Variants in DNAH6 observed in about 807,000 individuals in gnomAD.
DNAH6 encodes axonemal beta dynein heavy chain 6.
Under a neutral mutation model 491.4 loss-of-function variants are expected in DNAH6, and 340 were observed. The observed-to-expected ratio is 0.69, with a 90% CI of 0.63 to 0.76. The LOEUF (loss-of-function observed/expected upper bound fraction) is 0.76. Among genes scored for constraint, DNAH6 ranks in the 30% least tolerant of loss-of-function variants. The pLI, the probability that DNAH6 is intolerant of heterozygous loss-of-function variation, is 0.00. For synonymous variants in DNAH6, 1,603 were observed against 1,686.1 expected (o/e 0.95, Z 1.21); for missense variants, 4,443 against 4,972.2 (o/e 0.89, Z 3.20).
rs1216035107 is a variant in DNAH6 at position 84,621,335 on chromosome 2, G to T, written c.3937G>T (p.Val1313Phe). The change falls in exon 25 of 77, where the codon GTT (valine) becomes TTT (phenylalanine). Residue 1313 changes from valine to phenylalanine, a missense_variant. Physicochemically the swap from Val to Phe is conservative, Grantham distance 50. This residue lies in a region of DNAH6 where 2,977 missense variants were observed against 3,296.6 expected (regional missense o/e 0.90). Coordinates refer to ENST00000389394, the MANE Select transcript of DNAH6 (RefSeq NM_001370.2). ...YQGKLRTDWV[V>F]AGHPSQVILT... ...GGGGAAACTGAGGACAGACTGGGTGGTTGCTGGCCACCCTTCTCAAGTAAC... is the reference window on the plus strand; with the variant it reads ...GGGGAAACTGAGGACAGACTGGGTGTTTGCTGGCCACCCTTCTCAAGTAAC... 1.3e-6 allele frequency: 2 copies of T among 1,551,530 alleles called. No individual in the cohort carries two copies. The highest frequency in any genetic ancestry group is 1.4e-5 in the African/African-American group (1 of 73,168).
At chr2:84,504,753 A>G in the DNAH6 span, among the ~76,000 whole-genome samples, 2 of 152,192 alleles carry the variant, frequency 1.3e-5, no homozygotes, top group Non-Finnish European at 2.9e-5. Flanking sequence ...CACTGTTTTG[A>G]TAATTGTAGC....
At chr2:84,633,900 C>G (rs1395103951) in intron 29 of DNAH6, among the ~76,000 whole-genome samples, 1 of 152,066 alleles carries the variant, frequency 6.6e-6, no homozygotes, top group Non-Finnish European at 1.5e-5. Context: ...ACCACTAGTT[C>G]TATTACTAAA....
chr2:84,761,789 T>TACACACACACAC lies in DNAH6; in HGVS notation c.10513-944_10513-933dup, dbSNP rs35707461. On this transcript the variant is annotated intron_variant, in intron 63 of 76. Transcript: ENST00000389394. ...ACAGCATTACATACACACACACACATACACACACACACACACACACACACA... is the reference window on the plus strand; with the variant it reads ...ACAGCATTACATACACACACACACATACACACACACACACACACACACACACACACACACACA... Among the ~76,000 whole-genome samples, 495 of 141,870 alleles carry TACACACACACAC rather than the reference T, an allele frequency of 3.5e-3. 5 individuals are homozygous for TACACACACACAC. The highest frequency in any genetic ancestry group is 0.011 in the African/African-American group (430 of 38,314). The allele number at this position is 141,870 out of a possible 152,430, so 93.1% of individuals were successfully genotyped here.
At position 84,669,417 on chromosome 2, in the gene DNAH6, C is replaced by T; in HGVS notation, c.6213C>T (p.Pro2071=). ...RDVPFFEMLV[P]TTDTVRYGYL... is the part of the protein sequence containing the mutation. ...TTCCATTTTTTGAAATGCTTGTCCC[C>T]ACAACTGACACAGTGCGCTATGGGT... is the stretch of plus-strand genomic sequence containing the variant. The change falls in exon 38 of 77, where the codon CCC becomes CCT. Residue 2071 remains proline (P), a synonymous_variant. Coordinates refer to ENST00000389394, the MANE Select transcript of DNAH6 (RefSeq NM_001370.2). 1.9e-6 allele frequency: 3 copies of T among 1,552,012 alleles called. No individual in the cohort carries two copies. The highest frequency in any genetic ancestry group is 2.6e-6 in the Non-Finnish European group (3 of 1,147,058).
At chr2:84,507,997 A>G in the DNAH6 span, among the ~76,000 whole-genome samples, 1 of 152,182 alleles carries the variant, frequency 6.6e-6, no homozygotes, top group Non-Finnish European at 1.5e-5. Flanking sequence ...TTTTGCATCG[A>G]TGTTCATCAG....
intron 37 of DNAH6, among the ~76,000 whole-genome samples, chr2:84,667,740 G>A (rs1209056599): frequency 1.3e-5 from 2 of 152,170 alleles, no homozygotes; most frequent in Non-Finnish European, 2.9e-5. Flanking sequence ...CCATTACTGG[G>A]TATATACCCA....
intron 76 of DNAH6, among the ~76,000 whole-genome samples, chr2:84,817,502 AT>A (rs1277238244): frequency 3.3e-5 from 5 of 152,030 alleles, no homozygotes; most frequent in African/African-American, 1.2e-4. Context: ...GTGTGGTATC[AT>A]GTGTCTGTAG....
At chr2:84,644,644 A>G (rs1457614101) in intron 33 of DNAH6, among the ~76,000 whole-genome samples, 1 of 151,926 alleles carries the variant, frequency 6.6e-6, no homozygotes. Flanking sequence ...CCATGTGTCC[A>G]TGTGCTCTCA....
At chr2:84,658,180 T>G (rs993489195) in intron 35 of DNAH6, 112 bp from the exon 36 acceptor site, 10 of 652,804 alleles carry the variant, frequency 1.5e-5, no homozygotes, top group Non-Finnish European at 2.1e-5. Context: ...TTATAGCCTT[T>G]GGTCTAAAGG....
intron 47 of DNAH6, 199 bp downstream of exon 47, chr2:84,697,926 C>G (rs1695546041): frequency 1.7e-6 from 1 of 586,322 alleles, no homozygotes; most frequent in African/African-American, 1.9e-5. Context: ...CTGTGGGAAG[C>G]AGAAAACAGA....
At chr2:84,536,263 T>C (rs1677680710) in intron 4 of DNAH6, among the ~76,000 whole-genome samples, 1 of 152,080 alleles carries the variant, frequency 6.6e-6, no homozygotes. Flanking sequence ...GCAGATTTAG[T>C]AAAGGTTAGT....
intron 68 of DNAH6, among the ~76,000 whole-genome samples, chr2:84,792,954 T>C (rs1677916533): frequency 6.6e-6 from 1 of 152,164 alleles, no homozygotes; most frequent in African/African-American, 2.4e-5. Context: ...ATAGTGTAGG[T>C]TACAGCAATA....
chr2:84,635,228 A>G (rs1688763585), intron 30 of DNAH6, among the ~76,000 whole-genome samples: 2 of 152,196 alleles, frequency 1.3e-5, no homozygotes, highest in South Asian at 4.1e-4. Flanking sequence ...CAAAAAAGCG[A>G]ATTACAGAAC....
intron 71 of DNAH6, among the ~76,000 whole-genome samples, chr2:84,806,749 A>G (rs1216864270): frequency 6.6e-6 from 1 of 152,160 alleles, no homozygotes; most frequent in Non-Finnish European, 1.5e-5. Context: ...CATTATAGGA[A>G]AAAGAAAATT....
the DNAH6 span, among the ~76,000 whole-genome samples, chr2:84,497,426 T>C: frequency 1.3e-5 from 2 of 152,206 alleles, no homozygotes; most frequent in Non-Finnish European, 2.9e-5. Context: ...ATGCAAGTGT[T>C]TGTACAGATA....
chr2:84,680,961 A>T (rs750774206), intron 41 of DNAH6, among the ~76,000 whole-genome samples: 3 of 152,186 alleles, frequency 2.0e-5, no homozygotes, highest in Non-Finnish European at 4.4e-5. Context: ...CGCATTTAAA[A>T]TATACATGAA....
At chr2:84,800,531 A>G (rs374571314) in intron 70 of DNAH6, among the ~76,000 whole-genome samples, 51 of 152,206 alleles carry the variant, frequency 3.4e-4, no homozygotes, top group African/African-American at 1.2e-3. Context: ...CAAGGTTTGA[A>G]AGATGATACA....
chr2:84,745,502 A>G (rs1054164701), intron 63 of DNAH6, among the ~76,000 whole-genome samples: 3 of 152,138 alleles, frequency 2.0e-5, no homozygotes, highest in African/African-American at 7.2e-5. Flanking sequence ...CGTCTCTACT[A>G]AAAATACAAA....
chr2:84,743,317 G>A (rs2105033799), intron 62 of DNAH6, among the ~76,000 whole-genome samples: 1 of 152,330 alleles, frequency 6.6e-6, no homozygotes, highest in Non-Finnish European at 1.5e-5. Flanking sequence ...TTATGTGTTA[G>A]ATTTCAAGGT....
Sources: gnomAD v4.1 joint callset for allele counts (sites outside exome capture counted in the v4.1 genomes callset) on GRCh38, gnomAD v4.1.1 for gene constraint, gnomAD v4.1.1 regional missense constraint, MANE v1.5 for transcripts, NCBI Gene and HGNC (gene_info 2026-07-23, HGNC 2026-07-21) for gene names.